Variants in RNASET2 observed in about 807,000 individuals in gnomAD.
RNASET2 encodes ribonuclease 6.
Under a neutral mutation model 33.9 loss-of-function variants are expected in RNASET2, and 28 were observed. The observed-to-expected ratio is 0.83, with a 90% CI of 0.61 to 1.13. RNASET2 has a LOEUF of 1.13. Among genes scored for constraint, RNASET2 ranks in the 50% most tolerant of loss-of-function variants. The pLI is 0.00. For synonymous variants in RNASET2, 123 were observed against 121.0 expected, an observed-to-expected ratio of 1.02 and a Z score of -0.11; for missense variants, 330 against 319.9, an observed-to-expected ratio of 1.03 and a Z score of -0.24.
intron 2 of RNASET2, among the ~76,000 whole-genome samples, chr6:166,950,788 G>A (rs1778965469): frequency 6.6e-6 from 1 of 152,240 alleles, no homozygotes; most frequent in Admixed American, 6.5e-5. Flanking sequence ...AGTGCCATGG[G>A]TGCCAAGCAC....
At chr6:166,937,622 G>GT (rs1398797882) in intron 6 of RNASET2, among the ~76,000 whole-genome samples, 2 of 152,138 alleles carry the variant, frequency 1.3e-5, no homozygotes, top group African/African-American at 4.8e-5. Flanking sequence ...ACGTTTCTTA[G>GT]TGTATATACC....
rs1778326410 is a variant in RNASET2 at position 166,927,608 on chromosome 6, T to A, written c.*1980A>T. Among the ~76,000 whole-genome samples the A allele has an allele frequency of 6.9e-6, 1 of 144,464 alleles. No individual in the cohort carries two copies. Among genetic ancestry groups the A allele is most frequent in the African/African-American group, 2.6e-5 (1 of 38,572 alleles). The allele number at this position is 144,464 out of a possible 152,430, so 94.8% of individuals were successfully genotyped here. ...TGCTTTCCTTGACCCCCCAAGGCTA[T>A]AAAATAAATGCAATTTGAATAGGAA... On this transcript the variant is annotated 3_prime_UTR_variant, in exon 9 of 9. Coordinates refer to ENST00000508775, the MANE Select transcript of RNASET2 (RefSeq NM_003730.6).
At chr6:166,939,955 C>T (rs1214609345) in intron 5 of RNASET2, among the ~76,000 whole-genome samples, 2 of 152,208 alleles carry the variant, frequency 1.3e-5, no homozygotes, top group East Asian at 1.9e-4. Flanking sequence ...CTCTGCAAGG[C>T]GGAAATATCA....
At chr6:166,940,745 T>G (rs940157220) in intron 5 of RNASET2, among the ~76,000 whole-genome samples, 2 of 152,138 alleles carry the variant, frequency 1.3e-5, no homozygotes, top group African/African-American at 2.4e-5. Context: ...ACTGGACCTT[T>G]TTTTTTTAAG....
At position 166,923,042 on chromosome 6, in the gene RNASET2, G is replaced by A. The variant is rs541328158; in HGVS notation, c.*6546C>T. On this transcript the variant is annotated 3_prime_UTR_variant, in exon 9 of 9. Transcript: ENST00000508775. ...CACAGGTCTGAAATGTGAAAAGCACGTCAGCATAAAGTCCATACAGCATTT... is the reference window on the plus strand; with the variant it reads ...CACAGGTCTGAAATGTGAAAAGCACATCAGCATAAAGTCCATACAGCATTT... Among the ~76,000 whole-genome samples the A allele has an allele frequency of 3.9e-5, 6 of 152,332 alleles. No individual in the cohort carries two copies. The highest frequency in any genetic ancestry group is 4.1e-4 in the South Asian group (2 of 4,830).
intron 4 of RNASET2, chr6:166,943,599 A>G (rs1300178799): frequency 5.7e-6 from 2 of 351,304 alleles, no homozygotes; most frequent in African/African-American, 4.3e-5. Context: ...GCTGCTCCAG[A>G]GCACACTGGG....
Position 166,925,988 on chromosome 6 carries a change from G to C in RNASET2, c.*3600C>G, listed in dbSNP as rs1203527277. ...GAGCAGAGAGCCATGGTTGGTTACG[G>C]AGAGTGGCACAAACACGGTGCCAGC... On this transcript the variant is annotated 3_prime_UTR_variant, in exon 9 of 9. Coordinates refer to ENST00000508775, the MANE Select transcript of RNASET2 (RefSeq NM_003730.6). 2.6e-5 allele frequency among the ~76,000 whole-genome samples: 4 copies of C among 152,330 alleles called. No individual in the cohort carries two copies.
rs562698175 is a variant in RNASET2 at position 166,930,800 on chromosome 6, G to A, written c.567+244C>T. On this transcript the variant is annotated intron_variant, in intron 8 of 8. Coordinates refer to ENST00000508775, the MANE Select transcript of RNASET2 (RefSeq NM_003730.6). ...ATGCACACATAGCACATGCCCACAT[G>A]CATGTACACACACATGCACACATAG... Among the ~76,000 whole-genome samples the A allele has an allele frequency of 2.2e-5, 3 of 138,962 alleles. No individual in the cohort carries two copies. The East Asian group carries it at 6.5e-4, about 30-fold the overall frequency. The allele number at this position is 138,962 out of a possible 152,430, so 91.2% of individuals were successfully genotyped here.
In RNASET2 at chr6:166,938,960, C is replaced by G. The variant is rs140749759; in HGVS notation, c.381G>C (p.Ala127=). 1.9e-6 allele frequency: 3 copies of G among 1,613,784 alleles called. No individual in the cohort carries two copies. The East Asian group carries it at 6.7e-5, about 36-fold the overall frequency. ...KHGTCAAQVD[A]LNSQKKYFGR... is the part of the protein sequence containing the mutation. ...CAAAGTACTTCTTCTGGGAGTTGAG[C>G]GCATCCACCTGGGCGGCGCAGGTCC... Residue 127 remains alanine, a synonymous_variant, in exon 6 of 9, where the codon GCG becomes GCC. Transcript: ENST00000508775.
At chr6:166,939,258 G>A (rs550416370) in intron 5 of RNASET2, among the ~76,000 whole-genome samples, 17 of 152,238 alleles carry the variant, frequency 1.1e-4, no homozygotes, top group East Asian at 1.9e-4. Flanking sequence ...GCTTGAACCC[G>A]GGAGGCAGAG....
At chr6:166,940,899 G>A (rs1371958955) in intron 5 of RNASET2, among the ~76,000 whole-genome samples, 3 of 151,854 alleles carry the variant, frequency 2.0e-5, no homozygotes, top group Non-Finnish European at 4.4e-5. Flanking sequence ...CAGCCCGCTC[G>A]GCCACAACAG....
rs1778792096 is a variant in RNASET2, at chr6:166,944,917, C to T, written c.261+1765G>A. On this transcript the variant is annotated intron_variant, in intron 4 of 8. Coordinates refer to ENST00000508775, the MANE Select transcript of RNASET2 (RefSeq NM_003730.6). ...CCTTAGCCCACCCACATCCGTCAGC[C>T]CTGCCCCCTCACCCACCCACGTCCA... is the stretch of plus-strand genomic sequence containing the variant. Among the ~76,000 whole-genome samples the T allele has an allele frequency of 2.0e-5, 3 of 151,332 alleles. No individual in the cohort carries two copies. The South Asian group carries it at 6.3e-4, about 32-fold the overall frequency.
chr6:166,931,372 G>A (rs1009673055), intron 7 of RNASET2: 15 of 542,772 alleles, frequency 2.8e-5, no homozygotes, highest in African/African-American at 5.7e-5. Flanking sequence ...TTTCTCTGGA[G>A]AGCAGAGCTC....
intron 8 of RNASET2, among the ~76,000 whole-genome samples, chr6:166,930,214 T>C (rs753021540): frequency 4.6e-5 from 7 of 152,236 alleles, no homozygotes; most frequent in Admixed American, 6.5e-5. Context: ...AGAACAGGTA[T>C]ATTCTTGTTA....
chr6:166,930,604 G>A (rs1015617092), intron 8 of RNASET2, among the ~76,000 whole-genome samples: 5 of 140,840 alleles, frequency 3.6e-5, no homozygotes, highest in East Asian at 2.2e-4. Context: ...ATGCACACAT[G>A]CATGTACATG....
In RNASET2 at chr6:166,933,791, G is replaced by C. The variant is rs1778502199; in HGVS notation, c.492+300C>G. ...ACAAATATAAGACTACGTTATAAAAGTGAATGTGACTCTTGAAACTGCAGA... is the reference window on the plus strand; with the variant it reads ...ACAAATATAAGACTACGTTATAAAACTGAATGTGACTCTTGAAACTGCAGA... On this transcript the variant is annotated intron_variant, in intron 7 of 8. Transcript: ENST00000508775. This position sits in a 1 kb window ranked among gnomAD's most constrained non-coding sequence, Gnocchi z 4.1. 3 of 465,628 alleles carry C rather than the reference G, an allele frequency of 6.4e-6. No individual in the cohort carries two copies. In the South Asian group the frequency reaches 9.3e-5, roughly 14 times the overall value. 28.8% of individuals were successfully genotyped at this position (465,628 alleles called of 1,614,324 possible).
intron 1 of RNASET2, chr6:166,952,899 A>G: frequency 3.1e-6 from 1 of 319,234 alleles, no homozygotes; most frequent in Admixed American, 4.2e-5. Flanking sequence ...AGGATGCTCA[A>G]GAGAAATGCA....
intron 1 of RNASET2, chr6:166,952,815 G>A (rs1779021075): frequency 1.4e-5 from 6 of 443,808 alleles, no homozygotes; most frequent in South Asian, 1.0e-4. Flanking sequence ...AGCGGAGGCA[G>A]GGCAAGCTAG....
At chr6:166,954,751 C>A (rs113611759) in intron 1 of RNASET2, among the ~76,000 whole-genome samples, 1 of 152,128 alleles carries the variant, frequency 6.6e-6, no homozygotes, top group Non-Finnish European at 1.5e-5. Flanking sequence ...CAGTGGCTCA[C>A]GCCTGTAATC....
Sources: gnomAD v4.1 joint callset for allele counts (sites outside exome capture counted in the v4.1 genomes callset) on GRCh38, gnomAD v4.1.1 for gene constraint, Gnocchi (gnomAD v3.1) non-coding constraint, MANE v1.5 for transcripts, NCBI Gene and HGNC (gene_info 2026-07-23, HGNC 2026-07-21) for gene names.